Variants in DDX60 observed in about 807,000 individuals in gnomAD.
DDX60 encodes DExD/H-box helicase 60.
In DDX60, 165 loss-of-function variants were observed where a neutral mutation model predicts 212.8. The ratio of observed to expected loss-of-function variants is 0.78; its 90% CI spans 0.68 to 0.88. DDX60 has a LOEUF of 0.88. Among genes scored for constraint, DDX60 ranks in the 40% least tolerant of loss-of-function variants. DDX60 has a pLI of 0.00. For synonymous variants in DDX60, 703 were observed against 685.3 expected (o/e 1.03, Z -0.40); for missense variants, 1,905 against 2,003.9 (o/e 0.95, Z 0.94).
At chr4:168,271,914 G>GA (rs529854444) in intron 19 of DDX60, 129 bp downstream of exon 19, 15,197 of 658,142 alleles carry the variant, frequency 0.023, 21 homozygotes, top group Middle Eastern at 0.049. Context: ...AATCACTCAG[G>GA]AAAAAAAAAC....
At chr4:168,263,908 A>T (rs1734729341) in intron 22 of DDX60, among the ~76,000 whole-genome samples, 1 of 152,236 alleles carries the variant, frequency 6.6e-6, no homozygotes, top group South Asian at 2.1e-4. Context: ...TATTGTATCA[A>T]ATAGGATTCT....
intron 8 of DDX60, 139 bp downstream of exon 8, chr4:168,291,609 T>C (rs1736105852): frequency 1.8e-6 from 1 of 553,312 alleles, no homozygotes; most frequent in South Asian, 4.9e-5. Flanking sequence ...AATTGGAAAG[T>C]GACTGATGTA....
intron 13 of DDX60, among the ~76,000 whole-genome samples, chr4:168,280,971 AC>A (rs1676739738): frequency 6.6e-6 from 1 of 151,808 alleles, no homozygotes; most frequent in Admixed American, 6.6e-5. Flanking sequence ...GAAACCTCTT[AC>A]CTACTAAAAA....
In DDX60 at chr4:168,216,729, T is replaced by C; in HGVS notation, c.*204A>G. On this transcript the variant is annotated 3_prime_UTR_variant, in exon 38 of 38. Coordinates refer to ENST00000393743, the MANE Select transcript of DDX60 (RefSeq NM_017631.6). Reference sequence around the variant, plus strand: ...AAAAGAAACCAAGATTCAGGTATACTAAATAATTTGTGAGTATTCATGACA... The same window carrying C: ...AAAAGAAACCAAGATTCAGGTATACCAAATAATTTGTGAGTATTCATGACA... 9.4e-6 allele frequency: 4 copies of C among 427,632 alleles called. No homozygotes were observed. Among genetic ancestry groups the C allele is most frequent in the East Asian group, 8.2e-5 (2 of 24,372 alleles). The allele number at this position is 427,632 out of a possible 1,614,324, so 26.5% of individuals were successfully genotyped here. A position where few individuals can be genotyped will look rare whatever the true frequency, so the allele number is the denominator to read the frequency against.
intron 7 of DDX60, among the ~76,000 whole-genome samples, 159 bp downstream of exon 7, chr4:168,293,628 T>C (rs1736209150): frequency 6.6e-6 from 1 of 152,218 alleles, no homozygotes; most frequent in Admixed American, 6.5e-5. Context: ...GCACAATAAG[T>C]GTTTCCTGAT....
intron 24 of DDX60, 71 bp from the exon 25 acceptor site, chr4:168,261,060 A>C: frequency 1.3e-6 from 2 of 1,488,402 alleles, no homozygotes; most frequent in South Asian, 2.5e-5. Flanking sequence ...TTTTGCTAAA[A>C]TATTTTCATA....
intron 19 of DDX60, among the ~76,000 whole-genome samples, chr4:168,269,252 A>C (rs1020462695): frequency 6.6e-6 from 1 of 152,156 alleles, no homozygotes; most frequent in Non-Finnish European, 1.5e-5. Flanking sequence ...TACCCACTTG[A>C]CTACTGTACT....
At chr4:168,228,875 C>A (rs1449700495) in intron 33 of DDX60, among the ~76,000 whole-genome samples, 1 of 152,058 alleles carries the variant, frequency 6.6e-6, no homozygotes, top group Non-Finnish European at 1.5e-5. Flanking sequence ...CTGAAAACAT[C>A]TTAATTTTAT....
upstream of DDX60, among the ~76,000 whole-genome samples, chr4:168,322,579 A>G (rs532438615): frequency 3.3e-5 from 5 of 152,276 alleles, no homozygotes; most frequent in South Asian, 1.0e-3. Flanking sequence ...ACACTTCAAT[A>G]TATGCTCATT....
rs1301527738 is a variant in DDX60, at chr4:168,275,646, A to G, written c.2146-143T>C. The G allele has an allele frequency of 7.1e-6, 5 of 705,486 alleles. No individual in the cohort carries two copies. In the Admixed American group the frequency reaches 1.8e-4, roughly 25 times the overall value. 43.7% of individuals were successfully genotyped at this position (705,486 alleles called of 1,614,324 possible). ...TTTAAATTTTTTAAATCATTGTCTT[A>G]ACTAGGTAAAATTAGTAGACATCAA... On this transcript the variant is annotated intron_variant, in intron 15 of 37. Coordinates refer to ENST00000393743, the MANE Select transcript of DDX60 (RefSeq NM_017631.6).
At position 168,246,565 on chromosome 4, in the gene DDX60, G is replaced by C; in HGVS notation, c.4017C>G (p.Phe1339Leu). The C allele has an allele frequency of 6.2e-7, 1 of 1,614,114 alleles. No homozygotes were observed. Residue 1339 changes from phenylalanine to leucine, a missense_variant, in exon 30 of 38, where the codon TTC becomes TTG. Phe to Leu is a conservative substitution (Grantham distance 22). Coordinates refer to ENST00000393743, the MANE Select transcript of DDX60 (RefSeq NM_017631.6). ...CTATTTTGGGGAATGGAATATCAAA[G>C]AAATATACATCTCCCATCAGGTCTT... is the stretch of plus-strand genomic sequence containing the variant. ...RGQDLMGDVY[F>L]FDIPFPKIGK...
At chr4:168,303,762 T>C (rs1736752857) in intron 5 of DDX60, among the ~76,000 whole-genome samples, 1 of 152,114 alleles carries the variant, frequency 6.6e-6, no homozygotes. Flanking sequence ...GACGGGCAGA[T>C]CATGAGGTCA....
chr4:168,260,794 G>T, intron 25 of DDX60, 71 bp downstream of exon 25: 2 of 1,346,042 alleles, frequency 1.5e-6, no homozygotes, highest in Non-Finnish European at 2.1e-6. Flanking sequence ...CCTGGAGGTT[G>T]GGGACCTCTG....
rs146995893 is a variant in DDX60 at position 168,293,839 on chromosome 4, C to T, written c.830G>A (p.Arg277His). 2.1e-5 allele frequency: 34 copies of T among 1,613,710 alleles called. 1 individual carries two copies. The highest frequency in any genetic ancestry group is 1.6e-4 in the Middle Eastern group (1 of 6,062). ...SCSLSLRMYH[R>H]FLGNREPSSG... ...GGAGGGCTCTCTGTTTCCTAAAAAG[C>T]GATGGTACATTCTCAAAGATAATGA... The change falls in exon 7 of 38, where the codon CGC (arginine) becomes CAC (histidine). Residue 277 changes from arginine (R) to histidine (H), a missense_variant. Coordinates refer to ENST00000393743, the MANE Select transcript of DDX60 (RefSeq NM_017631.6).
chr4:168,283,329 C>T lies in DDX60; in HGVS notation c.1722+117G>A, dbSNP rs540814678. 1.6e-5 allele frequency: 13 copies of T among 812,646 alleles called. No individual in the cohort carries two copies. In the East Asian group the frequency reaches 3.5e-4, roughly 22 times the overall value. The allele number at this position is 812,646 out of a possible 1,614,324, so 50.3% of individuals were successfully genotyped here. A position where few individuals can be genotyped will look rare whatever the true frequency, so the allele number is the denominator to read the frequency against. On this transcript the variant is annotated intron_variant, in intron 13 of 37. Transcript: ENST00000393743. ...AAGTAATCATATACAAAAATATATG[C>T]ATATAAATATCAAGAAAAGGCATTA...
chr4:168,267,502 A>G (rs1734898450), intron 22 of DDX60, 80 bp downstream of exon 22: 4 of 570,560 alleles, frequency 7.0e-6, no homozygotes, highest in Non-Finnish European at 1.1e-5. Context: ...TCTGATACAT[A>G]TCAATTAGGC....
At chr4:168,260,362 G>A (rs914710029) in intron 25 of DDX60, among the ~76,000 whole-genome samples, 6 of 152,148 alleles carry the variant, frequency 3.9e-5, no homozygotes, top group African/African-American at 1.4e-4. Context: ...AGAACATGCG[G>A]TTTTTAAACA....
upstream of DDX60, among the ~76,000 whole-genome samples, chr4:168,320,451 G>A (rs1737577469): frequency 6.6e-6 from 1 of 151,990 alleles, no homozygotes; most frequent in Admixed American, 6.5e-5. Context: ...AACTACCAAA[G>A]GCAAGGAAAC....
In DDX60 at chr4:168,220,690, CA is replaced by C; in HGVS notation, c.5003del (p.Leu1668CysfsTer2). 6.9e-7 allele frequency: 1 copy of C among 1,452,292 alleles called. No individual in the cohort carries two copies. Among genetic ancestry groups the C allele is most frequent in the East Asian group, 2.6e-5 (1 of 38,542 alleles). The allele number at this position is 1,452,292 out of a possible 1,614,324, so 90.0% of individuals were successfully genotyped here. ...NRMNEGDAYY[L>X]LKDFALTIKS... ...TAATGGTGAGTGCAAAATCCTTCAA[CA>C]AATAATAAGCATCTCCTTCATTCAT... On this transcript the variant is annotated frameshift_variant, in exon 37 of 38. Coordinates refer to ENST00000393743, the MANE Select transcript of DDX60 (RefSeq NM_017631.6). LOFTEE classifies it high-confidence loss of function.
Sources: allele counts gnomAD v4.1 joint callset (sites outside exome capture counted in the v4.1 genomes callset), GRCh38; gene constraint gnomAD v4.1.1; transcripts MANE v1.5; gene names NCBI Gene and HGNC (gene_info 2026-07-23, HGNC 2026-07-21).